The following PTCH1 variants were observed in gnomAD, a reference collection of about 807,000 sequenced individuals.
PTCH1 encodes the protein protein patched homolog 1.
A neutral mutation model predicts 144.6 loss-of-function variants in PTCH1; 14 were observed. The observed-to-expected ratio is 0.10, with a 90% CI of 0.06 to 0.15. The LOEUF (loss-of-function observed/expected upper bound fraction) is 0.15. Among genes scored for constraint, PTCH1 ranks in the 10% least tolerant of loss-of-function variants. The pLI, the probability that PTCH1 is intolerant of heterozygous loss-of-function variation, is 1.00. For missense variants in PTCH1, 1,623 were observed against 1,948.3 expected, an observed-to-expected ratio of 0.83 and a Z score of 3.14; for synonymous variants, 833 against 793.6, an observed-to-expected ratio of 1.05 and a Z score of -0.83.
At chr9:95,450,075 C>T (rs983190339) in intron 20 of PTCH1, 135 bp from the exon 21 acceptor site, 21 of 798,200 alleles carry the variant, frequency 2.6e-5, no homozygotes, top group South Asian at 7.3e-5. Context: ...GTTATCCAAC[C>T]GCAGTTCACA....
chr9:95,479,504 C>T (rs954290676), intron 7 of PTCH1, among the ~76,000 whole-genome samples: 7 of 152,188 alleles, frequency 4.6e-5, no homozygotes, highest in African/African-American at 7.2e-5. Flanking sequence ...CAGACGGTGG[C>T]GTTCCCAAGG....
intron 15 of PTCH1, 80 bp downstream of exon 15, chr9:95,467,036 C>G (rs41307424): frequency 8.9e-6 from 13 of 1,465,242 alleles, no homozygotes; most frequent in African/African-American, 1.4e-5. Flanking sequence ...ATCTAACGCT[C>G]TCATAATCAT....
rs1837751992 is a variant in PTCH1, at chr9:95,444,821, C to T, written c.*1572G>A. The T allele has an allele frequency of 6.6e-6, 1 of 152,156 alleles. No homozygotes were observed. 9.4% of individuals were successfully genotyped at this position (152,156 alleles called of 1,614,324 possible). A position where few individuals can be genotyped will look rare whatever the true frequency, so the allele number is the denominator to read the frequency against. On this transcript the variant is annotated 3_prime_UTR_variant, in exon 24 of 24. Coordinates refer to ENST00000331920, the MANE Select transcript of PTCH1 (RefSeq NM_000264.5). The stretch of plus-strand genomic sequence containing the variant: ...GGGTGCTTCCCTGACATGTGCTGGT[C>T]TCTGGTTACGAGATGAGGGAGCCCA...
Position 95,478,039 on chromosome 9 carries a change from T to C in PTCH1, c.1347+16A>G, listed in dbSNP as rs779587353. ...AACCAAACTCCAGCCCCCAGGAGCA[T>C]GGCATCGAGCGTTACCATGAGTAAG... On this transcript the variant is annotated intron_variant, in intron 9 of 23. Coordinates refer to ENST00000331920, the MANE Select transcript of PTCH1 (RefSeq NM_000264.5). 14 of 1,614,040 alleles carry C rather than the reference T, an allele frequency of 8.7e-6. No individual in the cohort carries two copies. The highest frequency in any genetic ancestry group is 1.6e-4 in the Middle Eastern group (1 of 6,084).
intron 7 of PTCH1, 161 bp downstream of exon 7, chr9:95,479,808 C>T: frequency 1.7e-6 from 2 of 1,157,586 alleles, no homozygotes; most frequent in Non-Finnish European, 2.5e-6. Flanking sequence ...CAAGCTGTTG[C>T]AGTCTGCTAC....
chr9:95,465,421 T>C (rs1166868420), intron 15 of PTCH1, among the ~76,000 whole-genome samples: 1 of 152,200 alleles, frequency 6.6e-6, no homozygotes, highest in African/African-American at 2.4e-5. Context: ...TAACTCATTA[T>C]CCCAAAAACC....
intron 1 of PTCH1, 159 bp downstream of exon 1, chr9:95,508,001 AT>A (rs1429536879): frequency 1.3e-6 from 2 of 1,516,274 alleles, no homozygotes; most frequent in African/African-American, 2.8e-5. Flanking sequence ...GAATTTTTCA[AT>A]CCCCATTTGT....
At chr9:95,480,689 T>C (rs1588610919) in intron 5 of PTCH1, 101 bp from the exon 6 acceptor site, 1 of 1,219,654 alleles carries the variant, frequency 8.2e-7, no homozygotes, top group Non-Finnish European at 1.2e-6. Flanking sequence ...AGGAGGTTCC[T>C]GGCAATGCTG....
rs1477706615 is a variant in PTCH1, at chr9:95,466,857, G to A, written c.2560+259C>T. ...GCCTCGGCTCCACCTGTTACAACAT[G>A]CTCCCCTTTTCCTGACGTGCACTTG... On this transcript the variant is annotated intron_variant, in intron 15 of 23. Coordinates refer to ENST00000331920, the MANE Select transcript of PTCH1 (RefSeq NM_000264.5). 2.6e-5 allele frequency among the ~76,000 whole-genome samples: 4 copies of A among 152,294 alleles called. No homozygotes were observed. The South Asian group carries it at 6.2e-4, about 24-fold the overall frequency.
At position 95,476,238 on chromosome 9, in the gene PTCH1, T is replaced by G. The variant is rs919555529; in HGVS notation, c.1603-79A>C. 2.6e-6 allele frequency: 4 copies of G among 1,551,290 alleles called. No homozygotes were observed. Among genetic ancestry groups the G allele is most frequent in the Non-Finnish European group, 2.6e-6 (3 of 1,150,044 alleles). ...AGCACAGACTGTGTGAGCAGATACG[T>G]GGCAGAATAACACAACTGTTATTAC... On this transcript the variant is annotated intron_variant, in intron 11 of 23. Transcript: ENST00000331920. The surrounding 1 kb of genome is among the most constrained non-coding windows in gnomAD (Gnocchi z 4.6).
chr9:95,473,984 C>T, intron 12 of PTCH1: 1 of 439,816 alleles, frequency 2.3e-6, no homozygotes, highest in Non-Finnish European at 4.6e-6. Flanking sequence ...ACCAACAGTA[C>T]TCATTTTTGT....
In PTCH1 at chr9:95,516,922, A is replaced by T. The variant is rs1444628887; in HGVS notation, c.-451T>A. 3 of 993,326 alleles carry T rather than the reference A, an allele frequency of 3.0e-6. No homozygotes were observed. The African/African-American group carries it at 5.0e-5, about 17-fold the overall frequency. The allele number at this position is 993,326 out of a possible 1,614,324, so 61.5% of individuals were successfully genotyped here. On this transcript the variant is annotated 5_prime_UTR_variant, in exon 1 of 23. Coordinates refer to the PTCH1 transcript ENST00000430669. ...CCTTTACAATAAACTCAAGGAAAGC[A>T]AAGTAAACTCGAGGAACGTGCTATC...
rs954451168 is a variant in PTCH1 at position 95,444,433 on chromosome 9, T to C, written c.*1960A>G. 2.0e-5 allele frequency: 3 copies of C among 152,946 alleles called. No individual in the cohort carries two copies. The highest frequency in any genetic ancestry group is 7.3e-5 in the African/African-American group (3 of 41,376). 9.5% of individuals were successfully genotyped at this position (152,946 alleles called of 1,614,324 possible). ...AGCTGGGTGTTAGGATGGCAGACCA[T>C]GTGGGTGACAGGCACCAAGACAGCA... On this transcript the variant is annotated 3_prime_UTR_variant, in exon 24 of 24. Transcript: ENST00000331920.
At position 95,476,985 on chromosome 9, in the gene PTCH1, G is replaced by A. The variant is rs1841094893; in HGVS notation, c.1504-128C>T. On this transcript the variant is annotated intron_variant, in intron 10 of 23. Coordinates refer to ENST00000331920, the MANE Select transcript of PTCH1 (RefSeq NM_000264.5). The surrounding 1 kb of genome is among the most constrained non-coding windows in gnomAD (Gnocchi z 4.6). Reference sequence around the variant, plus strand: ...AGCAGGGCTTCCGTAACCTCATGGTGAAGAATTCACTTGACGTCCCAAAGC... The same window carrying A: ...AGCAGGGCTTCCGTAACCTCATGGTAAAGAATTCACTTGACGTCCCAAAGC... The A allele has an allele frequency of 4.6e-6, 4 of 869,766 alleles. No individual in the cohort carries two copies. Among genetic ancestry groups the A allele is most frequent in the Non-Finnish European group, 7.6e-6 (4 of 527,684 alleles). 53.9% of individuals were successfully genotyped at this position (869,766 alleles called of 1,614,324 possible). A position where few individuals can be genotyped will look rare whatever the true frequency, so the allele number is the denominator to read the frequency against.
At chr9:95,467,590 G>A (rs550396314) in intron 14 of PTCH1, among the ~76,000 whole-genome samples, 165 bp from the exon 15 acceptor site, 25 of 152,202 alleles carry the variant, frequency 1.6e-4, no homozygotes, top group South Asian at 4.1e-4. Context: ...CATAGTAATC[G>A]CATTTTTATT....
At chr9:95,509,761 C>A (rs1844049551), upstream of PTCH1, among the ~76,000 whole-genome samples, 1 of 152,180 alleles carries the variant, frequency 6.6e-6, no homozygotes, top group African/African-American at 2.4e-5. Context: ...GGAGGTCCGG[C>A]TCGCATTCCC....
At chr9:95,494,503 C>T in intron 2 of PTCH1, 1 of 950,446 alleles carries the variant, frequency 1.1e-6, no homozygotes, top group Non-Finnish European at 1.3e-6. Flanking sequence ...GCGGAAATGT[C>T]TTCCATCCGG....
rs145924695 is a variant in PTCH1, at chr9:95,458,236, C to T, written c.2945G>A (p.Arg982Gln). Residue 982 changes from arginine (R) to glutamine (Q), a missense_variant, in exon 18 of 24, where the codon CGG becomes CAG. Coordinates refer to ENST00000331920, the MANE Select transcript of PTCH1 (RefSeq NM_000264.5). The surrounding 1 kb of genome is among the most constrained non-coding windows in gnomAD (Gnocchi z 4.7). ...TGCCTCCACAAAGTCTGAGGTGTCC[C>T]GCAAGCCGTTGAGGTAGAAAGGGAA... The part of the protein sequence containing the change: ...AQFPFYLNGL[R>Q]DTSDFVEAIE... The T allele has an allele frequency of 1.2e-5, 19 of 1,613,876 alleles. No homozygotes were observed. The highest frequency in any genetic ancestry group is 6.6e-5 in the South Asian group (6 of 91,066).
chr9:95,509,840 C>A (rs1587703979), upstream of PTCH1, among the ~76,000 whole-genome samples: 1 of 151,896 alleles, frequency 6.6e-6, no homozygotes, highest in African/African-American at 2.4e-5. Flanking sequence ...TTTTCCTCTT[C>A]TCTTTTCTTT....
Sources: allele counts gnomAD v4.1 joint callset (sites outside exome capture counted in the v4.1 genomes callset), GRCh38; gene constraint gnomAD v4.1.1; non-coding constraint Gnocchi (gnomAD v3.1); transcripts MANE v1.5; gene names NCBI Gene and HGNC (gene_info 2026-07-23, HGNC 2026-07-21).